The following MIER2 variants were observed in gnomAD, a reference collection of about 807,000 sequenced individuals.
MIER2 encodes the protein mesoderm induction early response protein 2.
A neutral mutation model predicts 67.6 loss-of-function variants in MIER2; 30 were observed. The observed-to-expected ratio is 0.44, with a 90% CI of 0.33 to 0.60. The LOEUF (loss-of-function observed/expected upper bound fraction) is 0.60. Among genes scored for constraint, MIER2 ranks in the 20% least tolerant of loss-of-function variants. MIER2 has a pLI of 0.02. For missense variants in MIER2, 702 were observed against 745.1 expected, an observed-to-expected ratio of 0.94 and a Z score of 0.67; for synonymous variants, 372 against 312.6, an observed-to-expected ratio of 1.19 and a Z score of -2.00.
Position 307,332 on chromosome 19 carries a change from G to A in MIER2, c.1403C>T (p.Pro468Leu). 1 of 1,603,376 alleles carries A rather than the reference G, an allele frequency of 6.2e-7. No homozygotes were observed. The change falls in exon 13 of 14, where the codon CCA (proline) becomes CTA (leucine). Residue 468 changes from proline to leucine, a missense_variant. Around this residue, in one of 3 missense-constraint regions of MIER2, gnomAD observed 254 missense variants for 262.8 expected, o/e 0.97. Transcript: ENST00000264819. ...CAGGGCGAAGTCCACGGCCAGCCTTGGGCTGGCGTCTGGCTCCGGAGCAGT... is the reference window on the plus strand; with the variant it reads ...CAGGGCGAAGTCCACGGCCAGCCTTAGGCTGGCGTCTGGCTCCGGAGCAGT... Reference protein sequence around the residue: ...AVTAPEPDASPRLAVDFALPK... With the variant: ...AVTAPEPDASLRLAVDFALPK...
chr19:336,441 C>T (rs1255553675), intron 1 of MIER2, among the ~76,000 whole-genome samples: 3 of 152,214 alleles, frequency 2.0e-5, no homozygotes, highest in Non-Finnish European at 2.9e-5. Context: ...CTGAAAACTG[C>T]CCACACACAG....
At chr19:336,665 T>G (rs1391598657) in intron 1 of MIER2, among the ~76,000 whole-genome samples, 5 of 152,122 alleles carry the variant, frequency 3.3e-5, no homozygotes, top group Non-Finnish European at 7.4e-5. Context: ...GGGCTTCTTT[T>G]GGGGATGACA....
At position 307,550 on chromosome 19, in the gene MIER2, C is replaced by G. The variant is rs780239474; in HGVS notation, c.1199-14G>C. On this transcript the variant is annotated splice_polypyrimidine_tract_variant and intron_variant, in intron 12 of 13. Coordinates refer to ENST00000264819, the MANE Select transcript of MIER2 (RefSeq NM_017550.3). The stretch of plus-strand genomic sequence containing the variant: ...CGCTCAGTGGATCTGTGAAAGAGAA[C>G]GCAACAGAGGGTGGGGCCTGCCCAC... 5 of 1,494,652 alleles carry G rather than the reference C, an allele frequency of 3.3e-6. No homozygotes were observed. The highest frequency in any genetic ancestry group is 1.8e-4 in the Middle Eastern group (1 of 5,568). The allele number at this position is 1,494,652 out of a possible 1,614,324, so 92.6% of individuals were successfully genotyped here.
rs1004707333 is a variant in MIER2 at position 308,195 on chromosome 19, T to C, written c.1198+382A>G. 6.6e-6 allele frequency among the ~76,000 whole-genome samples: 1 copy of C among 152,164 alleles called. No homozygotes were observed. The highest frequency in any genetic ancestry group is 6.5e-5 in the Admixed American group (1 of 15,284). ...CGTCATGGCCTCAGGTGCAAGATCC[T>C]GGCGACGGCTCCGGACACCCTGTCC... On this transcript the variant is annotated intron_variant, in intron 12 of 13. Coordinates refer to ENST00000264819, the MANE Select transcript of MIER2 (RefSeq NM_017550.3). This position sits in a 1 kb window ranked among gnomAD's most constrained non-coding sequence, Gnocchi z 9.1.
At chr19:344,069 T>A in intron 1 of MIER2, 1 of 985,340 alleles carries the variant, frequency 1.0e-6, no homozygotes, top group Non-Finnish European at 1.2e-6. Flanking sequence ...ACATTTCAGA[T>A]AAAGGGTCCC....
rs147612441 is a variant in MIER2, at chr19:312,270, C to A, written c.810G>T (p.Ala270=). Residue 270 remains alanine, a splice_region_variant and synonymous_variant, in exon 9 of 14, where the codon GCG becomes GCT. Transcript: ENST00000264819. ...EGEAVKDSEQ[A]LYELVKCNFN... ...AGTTGCATTTCACCAACTCGTACAG[C>A]GCCTGGGGAGAGGACATGTTGGCTC... 6.2e-6 allele frequency: 10 copies of A among 1,613,796 alleles called. No individual in the cohort carries two copies. In the Middle Eastern group the frequency reaches 6.6e-4, roughly 107 times the overall value.
rs1285352150 is a variant in MIER2 at position 306,704 on chromosome 19, C to T, written c.1624G>A (p.Val542Met). 1.1e-5 allele frequency: 17 copies of T among 1,560,810 alleles called. No homozygotes were observed. The highest frequency in any genetic ancestry group is 5.9e-5 in the South Asian group (5 of 84,580). Residue 542 changes from valine (V) to methionine (M), a missense_variant, in exon 14 of 14, where the codon GTG becomes ATG. By Grantham distance (21) the Val-to-Met change is conservative. Around this residue, in one of 3 missense-constraint regions of MIER2, gnomAD observed 254 missense variants for 262.8 expected, o/e 0.97. Coordinates refer to ENST00000264819, the MANE Select transcript of MIER2 (RefSeq NM_017550.3). ...LHSEPLSHCNVMTC is the reference protein window; with the variant it reads ...LHSEPLSHCNMMTC ...GCGGCCAGGAGTCAGCAGGTCATCA[C>T]GTTACAGCTGCAGGGGAGAGACCAA...
At chr19:338,224 T>C (rs982027042) in intron 1 of MIER2, among the ~76,000 whole-genome samples, 4 of 146,776 alleles carry the variant, frequency 2.7e-5, no homozygotes, top group Non-Finnish European at 6.0e-5. Context: ...AGTAAAACTA[T>C]CTCTGTGCTG....
In MIER2 at chr19:327,141, C is replaced by G. The variant is rs773980643; in HGVS notation, c.485G>C (p.Arg162Pro). The change falls in exon 5 of 14, where the codon CGG (arginine) becomes CCG (proline). Residue 162 changes from arginine (R) to proline (P), a missense_variant. Transcript: ENST00000264819. The part of the protein sequence containing the change: ...SHEASDLFPN[R>P]SGSRFLADED... ...GGGACAGAGTCACCTACATCCACTC[C>G]GGTTAGGGAAGAGGTCGGAGGCCTC... 6.3e-7 allele frequency: 1 copy of G among 1,582,112 alleles called. No individual in the cohort carries two copies. The highest frequency in any genetic ancestry group is 8.5e-7 in the Non-Finnish European group (1 of 1,171,106).
rs143536106 is a variant in MIER2, at chr19:323,329, C to A, written c.655+2306G>T. On this transcript the variant is annotated intron_variant, in intron 7 of 13. Coordinates refer to ENST00000264819, the MANE Select transcript of MIER2 (RefSeq NM_017550.3). ...AATACACAAGACACATACAACCACG[C>A]AGACGACTCGAATGACACAGACATC... is the stretch of plus-strand genomic sequence containing the variant. Among the ~76,000 whole-genome samples the A allele has an allele frequency of 1.4e-3, 209 of 148,130 alleles. 12 individuals carry two copies. Among genetic ancestry groups the A allele is most frequent in the Non-Finnish European group, 2.7e-3 (177 of 66,616 alleles).
chr19:312,292 G>A lies in MIER2; in HGVS notation c.808-20C>T, dbSNP rs745984723. 1 of 1,611,560 alleles carries A rather than the reference G, an allele frequency of 6.2e-7. No individual in the cohort carries two copies. The highest frequency in any genetic ancestry group is 1.7e-5 in the Admixed American group (1 of 59,982). The stretch of plus-strand genomic sequence containing the variant: ...CAGCGCCTGGGGAGAGGACATGTTG[G>A]CTCTTCCATGGGCTCAGCGCAGGAG... On this transcript the variant is annotated intron_variant, in intron 8 of 13. Coordinates refer to ENST00000264819, the MANE Select transcript of MIER2 (RefSeq NM_017550.3).
At chr19:311,496 T>G (rs934277173) in intron 10 of MIER2, among the ~76,000 whole-genome samples, 3 of 152,086 alleles carry the variant, frequency 2.0e-5, no homozygotes, top group Non-Finnish European at 4.4e-5. Flanking sequence ...GGTTCTGCTG[T>G]GGGGCCAATG....
intron 1 of MIER2, among the ~76,000 whole-genome samples, chr19:341,972 G>A (rs538213960): frequency 4.6e-5 from 7 of 152,100 alleles, no homozygotes; most frequent in Admixed American, 3.3e-4. Flanking sequence ...AAAAACACAA[G>A]AGGCCACCCT....
At position 321,980 on chromosome 19, in the gene MIER2, CTG is replaced by C. The variant is rs35552517; in HGVS notation, c.655+3653_655+3654del. ...AGTGCAGTGGCGCGATCTCGGCTCA[CTG>C]CAAGCTCCGCCTCCCGGGTTCACGC... On this transcript the variant is annotated intron_variant, in intron 7 of 13. Transcript: ENST00000264819. 7.2e-3 allele frequency among the ~76,000 whole-genome samples: 1,103 copies of C among 152,290 alleles called. 15 individuals are homozygous for C. The highest frequency in any genetic ancestry group is 0.025 in the African/African-American group (1,036 of 41,560).
At chr19:335,445 C>T (rs764412220) in intron 2 of MIER2, among the ~76,000 whole-genome samples, 1 of 152,196 alleles carries the variant, frequency 6.6e-6, no homozygotes, top group Non-Finnish European at 1.5e-5. Context: ...CAGTGGCCAC[C>T]GCACCCTTGG....
chr19:328,154 C>T (rs1326159694), intron 3 of MIER2, among the ~76,000 whole-genome samples, 165 bp from the exon 4 acceptor site: 1 of 152,144 alleles, frequency 6.6e-6, no homozygotes, highest in Non-Finnish European at 1.5e-5. Context: ...AGGCCCAGTC[C>T]TTCATCCAAG....
intron 2 of MIER2, among the ~76,000 whole-genome samples, chr19:334,818 G>A (rs1299693351): frequency 6.6e-6 from 1 of 152,182 alleles, no homozygotes; most frequent in African/African-American, 2.4e-5. Context: ...AAGCCTGCGA[G>A]GATTTGGGGA....
chr19:307,783 G>T (rs1970725060), intron 12 of MIER2, among the ~76,000 whole-genome samples: 1 of 152,164 alleles, frequency 6.6e-6, no homozygotes, highest in Admixed American at 6.5e-5. Context: ...AAAAAGAGCA[G>T]AATACAATAG....
intron 1 of MIER2, among the ~76,000 whole-genome samples, chr19:342,912 C>T (rs1356314553): frequency 6.6e-6 from 1 of 152,094 alleles, no homozygotes; most frequent in Non-Finnish European, 1.5e-5. Context: ...CCCAAGACCA[C>T]ACAGAACAAG....
Sources: gnomAD v4.1 joint callset for allele counts (sites outside exome capture counted in the v4.1 genomes callset) on GRCh38, gnomAD v4.1.1 for gene constraint, gnomAD v4.1.1 regional missense constraint, Gnocchi (gnomAD v3.1) non-coding constraint, MANE v1.5 for transcripts, NCBI Gene and HGNC (gene_info 2026-07-23, HGNC 2026-07-21) for gene names.